ZBED4: variants seen among roughly 807,000 people sequenced by gnomAD.
ZBED4 encodes the protein zinc finger BED domain-containing protein 4.
In ZBED4, 4 loss-of-function variants were observed where a neutral mutation model predicts 15.5. That is an observed-to-expected ratio of 0.26 (90% CI 0.13 to 0.59). The LOEUF (loss-of-function observed/expected upper bound fraction) is 0.59. Ranked by LOEUF, ZBED4 falls within the 20% of genes least tolerant of loss-of-function variation. The pLI, the probability that ZBED4 is intolerant of heterozygous loss-of-function variation, is 0.90. For missense variants in ZBED4, 1,323 were observed against 1,461.8 expected (o/e 0.91, Z 1.55); for synonymous variants, 692 against 608.5 (o/e 1.14, Z -2.02).
chr22:49,887,299 C>A lies in ZBED4; in HGVS notation c.*121C>A. The stretch of plus-strand genomic sequence containing the variant: ...ACATCAGACCAGGCACTCTCAGGGC[C>A]GCTCTCCAGCTCACCACAGTGTCTC... On this transcript the variant is annotated 3_prime_UTR_variant, in exon 2 of 2. Coordinates refer to ENST00000216268, the MANE Select transcript of ZBED4 (RefSeq NM_014838.3). 1.9e-6 allele frequency: 2 copies of A among 1,058,186 alleles called. No homozygotes were observed. Among genetic ancestry groups the A allele is most frequent in the Non-Finnish European group, 2.7e-6 (2 of 734,790 alleles). 65.5% of individuals were successfully genotyped at this position (1,058,186 alleles called of 1,614,324 possible).
Position 49,888,551 on chromosome 22 carries a change from T to C in ZBED4, c.*1373T>C, listed in dbSNP as rs1293800399. On this transcript the variant is annotated 3_prime_UTR_variant, in exon 2 of 2. Transcript: ENST00000216268. The stretch of plus-strand genomic sequence containing the variant: ...TTGGGCAGCATTTGAAATTTCACCT[T>C]AACCCCAGACAGGGCTCCAGGGAAG... 1.2e-5 allele frequency: 2 copies of C among 167,306 alleles called. No individual in the cohort carries two copies. Among genetic ancestry groups the C allele is most frequent in the African/African-American group, 4.8e-5 (2 of 41,474 alleles). The allele number at this position is 167,306 out of a possible 1,614,324, so 10.4% of individuals were successfully genotyped here. A position where few individuals can be genotyped will look rare whatever the true frequency, so the allele number is the denominator to read the frequency against.
chr22:49,864,574 T>C (rs1330184603), intron 1 of ZBED4, among the ~76,000 whole-genome samples: 3 of 152,110 alleles, frequency 2.0e-5, no homozygotes, highest in African/African-American at 7.2e-5. Flanking sequence ...CCCAGCACTT[T>C]GGGAGGTTGA....
chr22:49,856,444 C>G (rs1029769274), intron 1 of ZBED4, among the ~76,000 whole-genome samples: 19 of 152,232 alleles, frequency 1.2e-4, no homozygotes, highest in African/African-American at 4.1e-4. Context: ...GGAGGTTGCC[C>G]TGAAGGGTCT....
chr22:49,857,081 C>G (rs2060277961), intron 1 of ZBED4, among the ~76,000 whole-genome samples: 1 of 152,222 alleles, frequency 6.6e-6, no homozygotes, highest in Non-Finnish European at 1.5e-5. Flanking sequence ...CAGACAAACC[C>G]TGAGGGGCTG....
intron 1 of ZBED4, among the ~76,000 whole-genome samples, chr22:49,870,544 T>G (rs558389842): frequency 6.6e-6 from 1 of 152,320 alleles, no homozygotes; most frequent in African/African-American, 2.4e-5. Flanking sequence ...TGGTATCTCG[T>G]TGTGGTTTTG....
At position 49,884,907 on chromosome 22, in the gene ZBED4, A is replaced by G. The variant is rs1370386780; in HGVS notation, c.1245A>G (p.Ser415=). 1.2e-6 allele frequency: 2 copies of G among 1,602,800 alleles called. No homozygotes were observed. Among genetic ancestry groups the G allele is most frequent in the Non-Finnish European group, 1.7e-6 (2 of 1,172,834 alleles). ...DGLMEDVAAF[S]SSDDIGEASA... is the part of the protein sequence containing the mutation. ...TGATGGAAGACGTGGCGGCCTTCTC[A>G]TCTTCCGATGACATAGGGGAGGCCT... Residue 415 remains serine (S), a synonymous_variant, in exon 2 of 2, where the codon TCA becomes TCG. Transcript: ENST00000216268.
intron 1 of ZBED4, among the ~76,000 whole-genome samples, chr22:49,862,340 C>T (rs2060300952): frequency 6.6e-6 from 1 of 152,350 alleles, no homozygotes. Flanking sequence ...ATCTCCTGTG[C>T]TCAAGTCTCT....
intron 1 of ZBED4, among the ~76,000 whole-genome samples, chr22:49,869,075 A>G (rs2060334091): frequency 6.6e-6 from 1 of 150,782 alleles, no homozygotes; most frequent in Admixed American, 6.6e-5. Context: ...GTGAGTCGAG[A>G]TCATGCCATT....
Position 49,884,597 on chromosome 22 carries a change from A to T in ZBED4, c.935A>T (p.Glu312Val). 6.2e-7 allele frequency: 1 copy of T among 1,612,672 alleles called. No homozygotes were observed. Among genetic ancestry groups the T allele is most frequent in the Non-Finnish European group, 8.5e-7 (1 of 1,179,218 alleles). ...GCTGTCTGCATTCACTGCATGAACG[A>T]GTTCAGCCGGGGGAAGAATGGGAAG... ...SKAVCIHCMN[E>V]FSRGKNGKDL... The change falls in exon 2 of 2, where the codon GAG (glutamate) becomes GTG (valine). Residue 312 changes from glutamate to valine, a missense_variant. Glu to Val is a moderately radical substitution (Grantham distance 121). Transcript: ENST00000216268.
intron 1 of ZBED4, among the ~76,000 whole-genome samples, chr22:49,858,439 C>G (rs2060283818): frequency 6.6e-6 from 1 of 152,152 alleles, no homozygotes; most frequent in Non-Finnish European, 1.5e-5. Context: ...TGGGTATACT[C>G]GACAGCTTGT....
chr22:49,858,098 C>G (rs1482939592), intron 1 of ZBED4, among the ~76,000 whole-genome samples: 2 of 152,006 alleles, frequency 1.3e-5, no homozygotes, highest in African/African-American at 4.8e-5. Flanking sequence ...GATGGGCTGT[C>G]ACCATGTTGG....
At chr22:49,863,625 CA>C (rs59800105) in intron 1 of ZBED4, among the ~76,000 whole-genome samples, 19,289 of 94,230 alleles carry the variant, frequency 0.2, 2,867 homozygotes, top group African/African-American at 0.47. Context: ...GACTCCGTCT[CA>C]AAAAAAAAAA....
intron 1 of ZBED4, among the ~76,000 whole-genome samples, 162 bp downstream of exon 1, chr22:49,854,151 C>T (rs894038338): frequency 1.4e-5 from 2 of 145,672 alleles, no homozygotes; most frequent in African/African-American, 4.9e-5. Flanking sequence ...GGTCCCCGCC[C>T]GGCGCCGCCC....
At chr22:49,881,966 G>A (rs563229187) in intron 1 of ZBED4, among the ~76,000 whole-genome samples, 2 of 152,276 alleles carry the variant, frequency 1.3e-5, no homozygotes, top group African/African-American at 2.4e-5. Flanking sequence ...ACTTTTTAGG[G>A]CAACCATACA....
intron 1 of ZBED4, among the ~76,000 whole-genome samples, chr22:49,880,162 C>G (rs2147537782): frequency 6.6e-6 from 1 of 152,202 alleles, no homozygotes; most frequent in African/African-American, 2.4e-5. Context: ...TGGCTCCTAA[C>G]ACGGCTTAAA....
intron 1 of ZBED4, among the ~76,000 whole-genome samples, chr22:49,865,045 C>G (rs968144295): frequency 2.0e-5 from 3 of 150,168 alleles, no homozygotes; most frequent in Non-Finnish European, 2.9e-5. Flanking sequence ...ACGGCAGCCC[C>G]GGGTCTCACT....
intron 1 of ZBED4, among the ~76,000 whole-genome samples, chr22:49,869,841 A>G (rs756546441): frequency 2.0e-5 from 3 of 152,166 alleles, no homozygotes; most frequent in Non-Finnish European, 4.4e-5. Flanking sequence ...TAGATTCATC[A>G]GGCACATGTG....
In ZBED4 at chr22:49,886,093, G is replaced by A. The variant is rs772066637; in HGVS notation, c.2431G>A (p.Ala811Thr). The A allele has an allele frequency of 1.5e-5, 10 of 680,444 alleles. No individual in the cohort carries two copies. The highest frequency in any genetic ancestry group is 3.4e-5 in the South Asian group (2 of 58,114). 42.2% of individuals were successfully genotyped at this position (680,444 alleles called of 1,614,324 possible). The change falls in exon 2 of 2, where the codon GCC becomes ACC. Residue 811 changes from alanine to threonine, a missense_variant. Physicochemically the swap from Ala to Thr is moderately conservative, Grantham distance 58 (BLOSUM62 0). Around this residue, in one of 6 missense-constraint regions of ZBED4, gnomAD observed 100 missense variants for 79.3 expected, o/e 1.26. Transcript: ENST00000216268. The surrounding 1 kb of genome is among the most constrained non-coding windows in gnomAD (Gnocchi z 7.7). ...LQVGITVTDN[A>T]SIGKTLNEGE... is the part of the protein sequence containing the mutation. ...GGTGGGCATCACCGTCACCGACAAC[G>A]CCAGCATCGGGAAGACGCTGAACGA...
At position 49,887,308 on chromosome 22, in the gene ZBED4, G is replaced by T; in HGVS notation, c.*130G>T. Reference sequence around the variant, plus strand: ...CAGGCACTCTCAGGGCCGCTCTCCAGCTCACCACAGTGTCTCCACGTGCCT... The same window carrying T: ...CAGGCACTCTCAGGGCCGCTCTCCATCTCACCACAGTGTCTCCACGTGCCT... On this transcript the variant is annotated 3_prime_UTR_variant, in exon 2 of 2. Coordinates refer to ENST00000216268, the MANE Select transcript of ZBED4 (RefSeq NM_014838.3). The T allele has an allele frequency of 1.0e-6, 1 of 986,592 alleles. No homozygotes were observed. Among genetic ancestry groups the T allele is most frequent in the South Asian group, 1.7e-5 (1 of 57,484 alleles). 61.1% of individuals were successfully genotyped at this position (986,592 alleles called of 1,614,324 possible).
Sources: gnomAD v4.1 joint callset for allele counts (sites outside exome capture counted in the v4.1 genomes callset) on GRCh38, gnomAD v4.1.1 for gene constraint, gnomAD v4.1.1 regional missense constraint, Gnocchi (gnomAD v3.1) non-coding constraint, MANE v1.5 for transcripts, NCBI Gene and HGNC (gene_info 2026-07-23, HGNC 2026-07-21) for gene names.